TMED3: variants seen among roughly 807,000 people sequenced by gnomAD.
The protein encoded by TMED3 is transmembrane emp24 domain-containing protein 3.
TMED3 carries 9 observed loss-of-function variants against 15.0 expected under a neutral mutation model. The observed-to-expected ratio is 0.60, with a 90% CI of 0.36 to 1.04. The LOEUF (loss-of-function observed/expected upper bound fraction) is 1.04, where lower values mean the gene tolerates loss of function less well. Ranked by LOEUF, TMED3 falls within the 50% of genes least tolerant of loss-of-function variation. The probability of loss-of-function intolerance (pLI) is 0.01; values close to 1 mark genes in which losing one functional copy is unlikely to be tolerated. For missense variants in TMED3, 267 were observed against 278.9 expected (o/e 0.96, Z 0.30); for synonymous variants, 117 against 121.4 (o/e 0.96, Z 0.24).
At chr15:79,387,538 T>G (rs946223235) in intron 2 of TMED3, among the ~76,000 whole-genome samples, 1 of 152,106 alleles carries the variant, frequency 6.6e-6, no homozygotes, top group African/African-American at 2.4e-5. Flanking sequence ...TGTTTGCATT[T>G]CCGTGAAAAT....
chr15:79,381,589 C>T (rs1893536969), intron 2 of TMED3, among the ~76,000 whole-genome samples: 1 of 152,140 alleles, frequency 6.6e-6, no homozygotes, highest in Admixed American at 6.5e-5. Flanking sequence ...GTTCCCCTGC[C>T]CAGTGGTGCC....
intron 1 of TMED3, 61 bp downstream of exon 1, chr15:79,311,478 C>T (rs1486172231): frequency 7.8e-6 from 12 of 1,528,734 alleles, no homozygotes; most frequent in Non-Finnish European, 9.7e-6. Flanking sequence ...CACCTGGACA[C>T]TGGCTAGCCC....
rs147093013 is a variant in TMED3 at position 79,373,984 on chromosome 15, A to C, written c.418-37416A>C. 4.1e-3 allele frequency among the ~76,000 whole-genome samples: 630 copies of C among 152,244 alleles called. 4 individuals carry two copies. Among genetic ancestry groups the C allele is most frequent in the South Asian group, 9.8e-3 (47 of 4,816 alleles). On this transcript the variant is annotated intron_variant, in intron 2 of 2. Coordinates refer to the TMED3 transcript ENST00000424155. ...GCCAAGGTTCTTGTTATGTAGATGA[A>C]GCCTCCAGGCAGCAAGGTTCAGTAA...
intron 2 of TMED3, chr15:79,383,195 A>G (rs1567037322): frequency 3.2e-6 from 2 of 620,470 alleles, no homozygotes; most frequent in Non-Finnish European, 5.6e-6. Flanking sequence ...GGTAATCAGT[A>G]TAGTCATTGA....
chr15:79,352,929 AAT>A (rs1239632034), intron 2 of TMED3, among the ~76,000 whole-genome samples: 10 of 100,848 alleles, frequency 9.9e-5, no homozygotes, highest in African/African-American at 1.8e-4. Flanking sequence ...AAATATATAT[AAT>A]ATATATACAT....
At chr15:79,322,977 G>C (rs946677354), downstream of TMED3, 3 of 860,818 alleles carry the variant, frequency 3.5e-6, no homozygotes, top group Non-Finnish European at 4.2e-6. Flanking sequence ...GAGATGTATA[G>C]AGTGGGCAAG....
chr15:79,329,641 C>A (rs2058800256), intron 2 of TMED3, among the ~76,000 whole-genome samples: 1 of 151,976 alleles, frequency 6.6e-6, no homozygotes, highest in Non-Finnish European at 1.5e-5. Context: ...AGTGTGGGAG[C>A]CACAGGAGCC....
At chr15:79,400,549 T>C (rs1278853649) in intron 2 of TMED3, among the ~76,000 whole-genome samples, 1 of 152,214 alleles carries the variant, frequency 6.6e-6, no homozygotes, top group African/African-American at 2.4e-5. Context: ...GGTCTAGAGT[T>C]GATTAGAGCC....
intron 2 of TMED3, among the ~76,000 whole-genome samples, chr15:79,367,493 C>G (rs1893258011): frequency 6.6e-6 from 1 of 152,224 alleles, no homozygotes; most frequent in African/African-American, 2.4e-5. Flanking sequence ...ACACCTAATG[C>G]AAGCCCAAGT....
intron 2 of TMED3, among the ~76,000 whole-genome samples, chr15:79,359,017 G>T (rs565364346): frequency 1.3e-5 from 2 of 152,272 alleles, no homozygotes; most frequent in Admixed American, 6.5e-5. Flanking sequence ...GAACAAGAGA[G>T]AGTGCAGCAG....
intron 2 of TMED3, among the ~76,000 whole-genome samples, chr15:79,369,011 C>G (rs1374017355): frequency 6.6e-6 from 1 of 151,586 alleles, no homozygotes; most frequent in African/African-American, 2.4e-5. Context: ...AGGAGAATCA[C>G]TTGAACCTCG....
intron 2 of TMED3, among the ~76,000 whole-genome samples, chr15:79,394,840 C>A (rs1036175152): frequency 2.0e-5 from 3 of 152,128 alleles, no homozygotes; most frequent in African/African-American, 7.2e-5. Context: ...AATTGAGACC[C>A]CCTGTGTAAT....
intron 2 of TMED3, chr15:79,411,262 A>G (rs1893975000): frequency 3.6e-6 from 2 of 559,060 alleles, no homozygotes; most frequent in Admixed American, 2.7e-5. Flanking sequence ...AATTAGAGCC[A>G]GCAATAAAGG....
At chr15:79,324,139 C>G (rs1390308062), downstream of TMED3, among the ~76,000 whole-genome samples, 1 of 152,092 alleles carries the variant, frequency 6.6e-6, no homozygotes, top group Non-Finnish European at 1.5e-5. Context: ...TACAGGCACC[C>G]GCCACCACGC....
chr15:79,312,839 A>T (rs2058721942), intron 1 of TMED3, among the ~76,000 whole-genome samples: 1 of 152,140 alleles, frequency 6.6e-6, no homozygotes, highest in Non-Finnish European at 1.5e-5. Flanking sequence ...GCAAGCCAAG[A>T]ATGACCCTTG....
intron 2 of TMED3, 36 bp from the exon 3 acceptor site, chr15:79,321,942 G>A (rs770255018): frequency 6.2e-7 from 1 of 1,607,346 alleles, no homozygotes; most frequent in Admixed American, 1.7e-5. Flanking sequence ...TTTGTCTATG[G>A]GTTAGCAGTG....
intron 2 of TMED3, among the ~76,000 whole-genome samples, chr15:79,382,680 C>T (rs961498958): frequency 1.3e-5 from 2 of 152,186 alleles, no homozygotes; most frequent in African/African-American, 2.4e-5. Context: ...AAACTCCTGG[C>T]TGGAAACCTT....
intron 1 of TMED3, among the ~76,000 whole-genome samples, chr15:79,312,790 C>T (rs543722051): frequency 2.6e-5 from 4 of 152,236 alleles, no homozygotes; most frequent in South Asian, 4.2e-4. Context: ...TGCATTCAGT[C>T]ATTAATAATA....
chr15:79,332,911 A>G (rs2058814682), intron 2 of TMED3, among the ~76,000 whole-genome samples: 1 of 152,176 alleles, frequency 6.6e-6, no homozygotes, highest in South Asian at 2.1e-4. Context: ...AGCCTTAGGG[A>G]AAAACATAGC....
Sources: gnomAD v4.1 joint callset for allele counts (sites outside exome capture counted in the v4.1 genomes callset) on GRCh38, gnomAD v4.1.1 for gene constraint, MANE v1.5 for transcripts, NCBI Gene and HGNC (gene_info 2026-07-23, HGNC 2026-07-21) for gene names.